The following NVL variants were observed in gnomAD, a reference collection of about 807,000 sequenced individuals.
NVL encodes nuclear VCP like, also known as nuclear valosin-containing protein-like.
Under a neutral mutation model 110.2 loss-of-function variants are expected in NVL, and 84 were observed. The observed-to-expected ratio is 0.76, with a 90% confidence interval of 0.64 to 0.91. The LOEUF is 0.91. Ranked by LOEUF, NVL falls within the 40% of genes least tolerant of loss-of-function variation. NVL has a pLI of 0.00. For missense variants in NVL, 882 were observed against 1,035.9 expected (o/e 0.85, Z 2.04); for synonymous variants, 354 against 361.1 (o/e 0.98, Z 0.22).
chr1:224,234,166 CA>C (rs5781358), intron 20 of NVL, among the ~76,000 whole-genome samples: 128,781 of 152,142 alleles, frequency 0.85, 54,951 homozygotes, highest in South Asian at 0.9. Flanking sequence ...ATGACAAATA[CA>C]AAACAGGCCT....
At chr1:224,305,280 CCT>C in intron 6 of NVL, 114 bp from the exon 7 acceptor site, 1 of 1,023,840 alleles carries the variant, frequency 9.8e-7, no homozygotes. Context: ...AGCACTTTCA[CCT>C]CTGTTAACTA....
intron 19 of NVL, 62 bp downstream of exon 19, chr1:224,250,150 A>T (rs1292392586): frequency 6.4e-7 from 1 of 1,557,860 alleles, no homozygotes; most frequent in Non-Finnish European, 8.7e-7. Context: ...ACTACCTCTT[A>T]TAACTGTCTC....
At position 224,268,036 on chromosome 1, in the gene NVL, G is replaced by C. The variant is rs148245753; in HGVS notation, c.2180C>G (p.Pro727Arg). ...QVFIMAATNRPDIIDPAILRP... is the reference protein window; with the variant it reads ...QVFIMAATNRRDIIDPAILRP... ...GTTACAATATTTTTATTTCTTACCT[G>C]GCCTGTTAGTGGCTGCCATAATAAA... The change falls in exon 18 of 23, where the codon CCA (proline) becomes CGA (arginine). Residue 727 changes from proline (P) to arginine (R), a missense_variant and splice_region_variant. Pro to Arg is a moderately radical substitution (Grantham distance 103, BLOSUM62 -2). Around this residue, in one of 4 missense-constraint regions of NVL, gnomAD observed 66 missense variants for 127.5 expected, o/e 0.52. Transcript: ENST00000281701. 5 of 1,606,642 alleles carry C rather than the reference G, an allele frequency of 3.1e-6. No homozygotes were observed. In the African/African-American group the frequency reaches 6.7e-5, roughly 22 times the overall value.
chr1:224,326,301 A>G lies in NVL; in HGVS notation c.131+90T>C, dbSNP rs563035228. On this transcript the variant is annotated intron_variant, in intron 2 of 22. Coordinates refer to ENST00000281701, the MANE Select transcript of NVL (RefSeq NM_002533.4). The stretch of plus-strand genomic sequence containing the variant: ...GGTGAACTAATGCCAGCAGCTACTG[A>G]TATCAACTGGAAATTTAGGCAGGAT... The G allele has an allele frequency of 1.1e-5, 9 of 837,270 alleles. No homozygotes were observed. The East Asian group carries it at 2.2e-4, about 21-fold the overall frequency. The allele number at this position is 837,270 out of a possible 1,614,324, so 51.9% of individuals were successfully genotyped here.
intron 2 of NVL, among the ~76,000 whole-genome samples, chr1:224,321,510 A>C (rs1670638836): frequency 6.6e-6 from 1 of 152,222 alleles, no homozygotes; most frequent in African/African-American, 2.4e-5. Flanking sequence ...TGAGGTCAAG[A>C]GTTCAAGACC....
At chr1:224,291,804 T>C (rs1475981399) in intron 12 of NVL, among the ~76,000 whole-genome samples, 1 of 152,186 alleles carries the variant, frequency 6.6e-6, no homozygotes, top group Non-Finnish European at 1.5e-5. Flanking sequence ...TAAGAACATT[T>C]TGGATGTTGT....
In NVL at chr1:224,227,399, G is replaced by A. The variant is rs1218871744; in HGVS notation, c.*227C>T. 2.3e-5 allele frequency: 8 copies of A among 342,498 alleles called. No individual in the cohort carries two copies. The allele number at this position is 342,498 out of a possible 1,614,324, so 21.2% of individuals were successfully genotyped here. On this transcript the variant is annotated 3_prime_UTR_variant, in exon 23 of 23. Coordinates refer to ENST00000281701, the MANE Select transcript of NVL (RefSeq NM_002533.4). ...ATGTAACAGTCATTTTATTTCAGCA[G>A]TTTAAAAATTGTCCTTTTTCTTAAA...
Position 224,308,189 on chromosome 1 carries a change from A to G in NVL, c.417T>C (p.Pro139=). The G allele has an allele frequency of 6.2e-7, 1 of 1,614,078 alleles. No individual in the cohort carries two copies. The highest frequency in any genetic ancestry group is 8.5e-7 in the Non-Finnish European group (1 of 1,179,984). The stretch of plus-strand genomic sequence containing the variant: ...AGGTGGTTTCTCTTTGCTCCATCTC[A>G]GGAGTATTTGAAACAGAATCAGGAT... ...KGNPDSVSNT[P]EMEQRETTSS... Residue 139 remains proline (P), a synonymous_variant, in exon 6 of 23, where the codon CCT becomes CCC. Coordinates refer to ENST00000281701, the MANE Select transcript of NVL (RefSeq NM_002533.4).
intron 18 of NVL, among the ~76,000 whole-genome samples, chr1:224,252,038 A>G (rs1220438897): frequency 6.6e-6 from 1 of 152,096 alleles, no homozygotes. Flanking sequence ...GGATCTGACC[A>G]TCTTCCTTTC....
At position 224,294,361 on chromosome 1, in the gene NVL, T is replaced by C. The variant is rs1467851571; in HGVS notation, c.1231A>G (p.Asn411Asp). The C allele has an allele frequency of 1.2e-6, 2 of 1,613,956 alleles. No homozygotes were observed. The highest frequency in any genetic ancestry group is 1.3e-5 in the African/African-American group (1 of 74,880). ...GCAGGGTCTAACGAGTCTGGTCGAT[T>C]AGTAGCTCCAATAACTAGGACCCGG... Reference protein sequence around the residue: ...TARVLVIGATNRPDSLDPALR... With the variant: ...TARVLVIGATDRPDSLDPALR... Residue 411 changes from asparagine (N) to aspartate (D), a missense_variant, in exon 12 of 23, where the codon AAT (asparagine) becomes GAT (aspartate). Transcript: ENST00000281701.
chr1:224,295,800 A>G (rs1438044742), intron 11 of NVL, among the ~76,000 whole-genome samples: 1 of 151,288 alleles, frequency 6.6e-6, no homozygotes, highest in East Asian at 1.9e-4. Context: ...CAACATGGAA[A>G]CACCCCGTCT....
At chr1:224,255,776 C>T (rs1180423251) in intron 18 of NVL, among the ~76,000 whole-genome samples, 1 of 152,156 alleles carries the variant, frequency 6.6e-6, no homozygotes, top group African/African-American at 2.4e-5. Context: ...CTTTTAATAT[C>T]ATATAGGAAA....
chr1:224,235,626 G>A (rs1391148937), intron 20 of NVL, among the ~76,000 whole-genome samples: 1 of 151,856 alleles, frequency 6.6e-6, no homozygotes, highest in Non-Finnish European at 1.5e-5. Flanking sequence ...TACATTGGAA[G>A]GACATAATAG....
At chr1:224,288,383 T>C (rs1432437628) in intron 13 of NVL, among the ~76,000 whole-genome samples, 1 of 152,144 alleles carries the variant, frequency 6.6e-6, no homozygotes, top group Admixed American at 6.6e-5. Context: ...GTAGTATAAT[T>C]CATTAATATG....
At chr1:224,302,164 C>T (rs57469223) in intron 9 of NVL, among the ~76,000 whole-genome samples, 9,362 of 152,058 alleles carry the variant, frequency 0.062, 897 homozygotes, top group African/African-American at 0.2. Context: ...TTTCATAGAA[C>T]ATTATTGTAT....
Position 224,265,274 on chromosome 1 carries a change from G to A in NVL, c.2182+2760C>T, listed in dbSNP as rs556576412. Among the ~76,000 whole-genome samples, 26 of 152,180 alleles carry A rather than the reference G, an allele frequency of 1.7e-4. No individual in the cohort carries two copies. In the South Asian group the frequency reaches 2.1e-3, roughly 12 times the overall value. On this transcript the variant is annotated intron_variant, in intron 18 of 22. Transcript: ENST00000281701. The stretch of plus-strand genomic sequence containing the variant: ...AATCCCAGCACTTTGGGAGGCCGAG[G>A]AAGGCAGATCCTCTGAGGTCAGGAG...
intron 18 of NVL, among the ~76,000 whole-genome samples, chr1:224,252,470 G>A (rs1335333907): frequency 2.6e-5 from 4 of 152,038 alleles, no homozygotes; most frequent in African/African-American, 4.8e-5. Flanking sequence ...TGAGATTCAC[G>A]TTTCTAATAA....
intron 10 of NVL, chr1:224,297,609 T>C (rs541453551): frequency 8.1e-5 from 13 of 160,478 alleles, no homozygotes; most frequent in Admixed American, 1.8e-4. Context: ...AAATGGCCTT[T>C]TCAGTTGGAA....
chr1:224,290,058 T>C (rs1667229047), intron 12 of NVL, among the ~76,000 whole-genome samples: 1 of 152,156 alleles, frequency 6.6e-6, no homozygotes, highest in Non-Finnish European at 1.5e-5. Flanking sequence ...GGGGTACTTT[T>C]AGAGTAGATT....
Sources: gnomAD v4.1 joint callset for allele counts (sites outside exome capture counted in the v4.1 genomes callset) on GRCh38, gnomAD v4.1.1 for gene constraint, gnomAD v4.1.1 regional missense constraint, MANE v1.5 for transcripts, NCBI Gene and HGNC (gene_info 2026-07-23, HGNC 2026-07-21) for gene names.